The following IL20RA variants were observed in gnomAD, a reference collection of about 807,000 sequenced individuals.
IL20RA encodes the protein interleukin-20 receptor subunit alpha.
In IL20RA, 29 loss-of-function variants were observed where a neutral mutation model predicts 36.5. That is an observed-to-expected ratio of 0.79 (90% confidence interval 0.59 to 1.08). IL20RA has a LOEUF of 1.08. IL20RA is among the 50% of genes least tolerant of loss of function. The probability of loss-of-function intolerance (pLI) is 0.00; values close to 1 mark genes in which losing one functional copy is unlikely to be tolerated. For synonymous variants in IL20RA, 279 were observed against 267.1 expected, an observed-to-expected ratio of 1.04 and a Z score of -0.43; for missense variants, 652 against 668.4, an observed-to-expected ratio of 0.98 and a Z score of 0.27.
chr6:137,008,906 C>T (rs1775372407), intron 4 of IL20RA, 163 bp from the exon 5 acceptor site: 1 of 295,104 alleles, frequency 3.4e-6, no homozygotes, highest in South Asian at 8.2e-5. Flanking sequence ...TTTCAATATA[C>T]TCTTTTCCTT....
In IL20RA at chr6:137,009,451, T is replaced by C. The variant is rs1365089540; in HGVS notation, c.445A>G (p.Lys149Glu). ...PPEVALTTDE[K>E]SISVVLTAPE... ...GCTGTCAGGACAACAGAAATGGACT[T>C]CTCATCTGTAGTCAGTGCCACCTCT... The change falls in exon 4 of 7, where the codon AAG becomes GAG. Residue 149 changes from lysine (K) to glutamate (E), a missense_variant. Coordinates refer to ENST00000316649, the MANE Select transcript of IL20RA (RefSeq NM_014432.4). 2 of 1,612,894 alleles carry C rather than the reference T, an allele frequency of 1.2e-6. No homozygotes were observed. The highest frequency in any genetic ancestry group is 1.7e-6 in the Non-Finnish European group (2 of 1,178,906).
intron 1 of IL20RA, among the ~76,000 whole-genome samples, chr6:137,023,593 C>T (rs1356746546): frequency 6.6e-6 from 1 of 152,172 alleles, no homozygotes; most frequent in East Asian, 1.9e-4. Flanking sequence ...CTCCATTGTG[C>T]ACCAAGATGC....
chr6:137,002,418 T>C (rs1375696099), intron 6 of IL20RA, 63 bp from the exon 7 acceptor site: 1 of 1,058,936 alleles, frequency 9.4e-7, no homozygotes, highest in Non-Finnish European at 1.4e-6. Flanking sequence ...AAAACAGCTG[T>C]TAGGTAGAAT....
At chr6:137,015,439 G>A (rs1775650058) in intron 2 of IL20RA, among the ~76,000 whole-genome samples, 1 of 152,142 alleles carries the variant, frequency 6.6e-6, no homozygotes, top group African/African-American at 2.4e-5. Context: ...ATTATGGACT[G>A]TTATTTATTT....
At chr6:137,025,821 GTTGTT>G (rs1340481721) in intron 1 of IL20RA, among the ~76,000 whole-genome samples, 2 of 152,178 alleles carry the variant, frequency 1.3e-5, no homozygotes, top group Non-Finnish European at 2.9e-5. Flanking sequence ...GACAGTAAAA[GTTGTT>G]TCTTTTTAGT....
chr6:137,008,596 T>TTTAA lies in IL20RA; in HGVS notation c.724+2_724+3insTTAA. ...AGACCAGCAAAGATTTTTTAAAGCT[T>TTTAA]ACCTTTCAAAGTCCTGGCACACTGC... On this transcript the variant is annotated splice_region_variant and intron_variant, in intron 5 of 6. Transcript: ENST00000316649. 1 of 1,584,278 alleles carries TTTAA rather than the reference T, an allele frequency of 6.3e-7. No homozygotes were observed. Among genetic ancestry groups the TTTAA allele is most frequent in the Non-Finnish European group, 8.6e-7 (1 of 1,166,432 alleles).
In IL20RA at chr6:137,001,677, C is replaced by T. The variant is rs1172519503; in HGVS notation, c.1543G>A (p.Glu515Lys). The T allele has an allele frequency of 6.2e-7, 1 of 1,614,034 alleles. No individual in the cohort carries two copies. Among genetic ancestry groups the T allele is most frequent in the Non-Finnish European group, 8.5e-7 (1 of 1,180,006 alleles). Residue 515 changes from glutamate to lysine, a missense_variant, in exon 7 of 7, where the codon GAG (glutamate) becomes AAG (lysine). Transcript: ENST00000316649. ...EPSEGDGLGE[E>K]GLLSRLYEEP... is the part of the protein sequence containing the mutation. Reference sequence around the variant, plus strand: ...TCATAGAGTCTAGATAGAAGACCCTCCTCTCCGAGCCCATCCCCCTCAGAA... The same window carrying T: ...TCATAGAGTCTAGATAGAAGACCCTTCTCTCCGAGCCCATCCCCCTCAGAA...
In IL20RA at chr6:137,005,904, G is replaced by T. The variant is rs377125786; in HGVS notation, c.725-1144C>A. Among the ~76,000 whole-genome samples the T allele has an allele frequency of 2.8e-4, 42 of 152,242 alleles. 2 individuals are homozygous for T. Among genetic ancestry groups the T allele is most frequent in the Admixed American group, 1.3e-3 (20 of 15,292 alleles). On this transcript the variant is annotated intron_variant, in intron 5 of 6. Transcript: ENST00000316649. ...TAAATTCGGACTTGCCAGCCTCTACGATCCTGTGAGCCAACGCCTTAAAAT... is the reference window on the plus strand; with the variant it reads ...TAAATTCGGACTTGCCAGCCTCTACTATCCTGTGAGCCAACGCCTTAAAAT...
chr6:137,024,617 C>T (rs1047070108), intron 1 of IL20RA, among the ~76,000 whole-genome samples: 2 of 152,190 alleles, frequency 1.3e-5, no homozygotes, highest in Non-Finnish European at 2.9e-5. Context: ...CCAAATGCAC[C>T]GTGTTCACCA....
intron 1 of IL20RA, among the ~76,000 whole-genome samples, chr6:137,034,744 C>T (rs369499932): frequency 3.9e-4 from 59 of 151,940 alleles, no homozygotes; most frequent in South Asian, 3.3e-3. Flanking sequence ...ATGGAGACCA[C>T]CCTGGCTAAC....
intron 3 of IL20RA, 105 bp downstream of exon 3, chr6:137,011,169 C>T: frequency 1.1e-6 from 1 of 917,768 alleles, no homozygotes; most frequent in Non-Finnish European, 1.7e-6. Context: ...AGAATACAGC[C>T]AAGCAGAGTA....
intron 1 of IL20RA, among the ~76,000 whole-genome samples, chr6:137,042,529 A>G (rs1354461783): frequency 6.6e-6 from 1 of 152,186 alleles, no homozygotes; most frequent in Non-Finnish European, 1.5e-5. Context: ...TCACTGTGAA[A>G]TTCTGTCCCT....
chr6:137,013,405 G>GC (rs914707514), intron 2 of IL20RA, among the ~76,000 whole-genome samples: 1 of 152,142 alleles, frequency 6.6e-6, no homozygotes, highest in Non-Finnish European at 1.5e-5. Flanking sequence ...TGACACTCAC[G>GC]CATGGCAAAC....
intron 1 of IL20RA, among the ~76,000 whole-genome samples, chr6:137,030,070 GTTTTTTTTTTTTTTTT>G (rs1188809232): frequency 7.5e-4 from 47 of 62,860 alleles, no homozygotes; most frequent in Non-Finnish European, 1.1e-3. Flanking sequence ...CGGTTTGCGG[GTTTTTTTTTTTTTTTT>G]TTTTTTTTTT....
intron 2 of IL20RA, among the ~76,000 whole-genome samples, chr6:137,012,526 T>G (rs1775536040): frequency 6.6e-6 from 1 of 152,146 alleles, no homozygotes; most frequent in Non-Finnish European, 1.5e-5. Context: ...GATATCCCAC[T>G]GCAGATGCCC....
intron 1 of IL20RA, among the ~76,000 whole-genome samples, chr6:137,024,591 T>A (rs1054008555): frequency 6.6e-5 from 10 of 152,210 alleles, no homozygotes; most frequent in African/African-American, 2.4e-4. Flanking sequence ...GTCCAATGTC[T>A]CCTTTTGCAA....
At chr6:137,009,736 G>T (rs1582820590) in intron 3 of IL20RA, among the ~76,000 whole-genome samples, 1 of 150,788 alleles carries the variant, frequency 6.6e-6, no homozygotes, top group African/African-American at 2.4e-5. Context: ...CTCCCAAGTA[G>T]CTAGGATTAC....
At chr6:137,008,886 T>TC (rs1554212422) in intron 4 of IL20RA, 143 bp from the exon 5 acceptor site, 16 of 531,610 alleles carry the variant, frequency 3.0e-5, no homozygotes, top group African/African-American at 8.4e-5. Context: ...TTTTTTTTTT[T>TC]CAGCAACAGT....
intron 4 of IL20RA, 171 bp downstream of exon 4, chr6:137,009,146 A>G: frequency 1.5e-6 from 1 of 655,488 alleles, no homozygotes; most frequent in Admixed American, 2.4e-5. Context: ...GAAGATCTGA[A>G]GTTAGTTCTG....
Sources: allele counts gnomAD v4.1 joint callset (sites outside exome capture counted in the v4.1 genomes callset), GRCh38; gene constraint gnomAD v4.1.1; transcripts MANE v1.5; gene names NCBI Gene and HGNC (gene_info 2026-07-23, HGNC 2026-07-21).